The following SLC2A10 variants were observed in gnomAD, a reference collection of about 807,000 sequenced individuals.
SLC2A10 encodes the protein solute carrier family 2 member 10.
Under a neutral mutation model 32.1 loss-of-function variants are expected in SLC2A10, and 25 were observed. The ratio of observed to expected loss-of-function variants is 0.78; its 90% CI spans 0.57 to 1.09. The LOEUF is 1.09. Ranked by LOEUF, SLC2A10 falls within the 50% of genes least tolerant of loss-of-function variation. The pLI is 0.00. For synonymous variants in SLC2A10, 332 were observed against 309.6 expected (o/e 1.07, Z -0.76); for missense variants, 673 against 686.5 (o/e 0.98, Z 0.22).
In SLC2A10 at chr20:46,725,706, G is replaced by T. The variant is rs765169323; in HGVS notation, c.670G>T (p.Ala224Ser). The T allele has an allele frequency of 1.9e-6, 3 of 1,614,090 alleles. No homozygotes were observed. The highest frequency in any genetic ancestry group is 1.7e-6 in the Non-Finnish European group (2 of 1,180,034). Residue 224 changes from alanine (A) to serine (S), a missense_variant, in exon 2 of 5, where the codon GCA becomes TCA. Physicochemically the swap from Ala to Ser is moderately conservative, Grantham distance 99 (BLOSUM62 1). Coordinates refer to ENST00000359271, the MANE Select transcript of SLC2A10 (RefSeq NM_030777.4). ...GTACTCCTTTCTGGACCTCTTCAGGGCACGCGATAACATGCGAGGCCGGAC... is the reference window on the plus strand; with the variant it reads ...GTACTCCTTTCTGGACCTCTTCAGGTCACGCGATAACATGCGAGGCCGGAC... ...PRYSFLDLFRARDNMRGRTTV... is the reference protein window; with the variant it reads ...PRYSFLDLFRSRDNMRGRTTV...
chr20:46,723,461 T>A (rs1568983849), intron 1 of SLC2A10, among the ~76,000 whole-genome samples: 1 of 152,154 alleles, frequency 6.6e-6, no homozygotes, highest in Admixed American at 6.5e-5. Flanking sequence ...AAGGGGTGAA[T>A]GGACATTGAT....
At chr20:46,711,749 C>A (rs1978926136) in intron 1 of SLC2A10, among the ~76,000 whole-genome samples, 1 of 152,166 alleles carries the variant, frequency 6.6e-6, no homozygotes, top group Non-Finnish European at 1.5e-5. Context: ...GGGGGCAGAA[C>A]TGGGTTCTAG....
Position 46,726,978 on chromosome 20 carries a change from A to C in SLC2A10, c.1403A>C (p.Asp468Ala), listed in dbSNP as rs776612935. The C allele has an allele frequency of 4.3e-6, 7 of 1,614,054 alleles. 1 individual carries two copies. In the South Asian group the frequency reaches 7.7e-5, roughly 18 times the overall value. Residue 468 changes from aspartate to alanine, a missense_variant, in exon 3 of 5, where the codon GAT (aspartate) becomes GCT (alanine). Asp to Ala is a moderately radical substitution (Grantham distance 126). Coordinates refer to ENST00000359271, the MANE Select transcript of SLC2A10 (RefSeq NM_030777.4). ...ANLFISLSFL[D>A]LIGTIGLSWT... Reference sequence around the variant, plus strand: ...CTCTTCATCAGCCTCTCCTTCCTCGATCTCATTGGTGAGTCCTTCCCAGAC... The same window carrying C: ...CTCTTCATCAGCCTCTCCTTCCTCGCTCTCATTGGTGAGTCCTTCCCAGAC...
intron 1 of SLC2A10, among the ~76,000 whole-genome samples, chr20:46,722,435 A>G (rs551203952): frequency 2.0e-5 from 3 of 152,366 alleles, no homozygotes; most frequent in East Asian, 1.9e-4. Context: ...AGCTTTTAGC[A>G]TAAAACATGT....
In SLC2A10 at chr20:46,733,865, G is replaced by A. The variant is rs751514397; in HGVS notation, c.*31G>A. 6.2e-7 allele frequency: 1 copy of A among 1,607,332 alleles called. No homozygotes were observed. The highest frequency in any genetic ancestry group is 1.1e-5 in the South Asian group (1 of 90,826). On this transcript the variant is annotated 3_prime_UTR_variant, in exon 5 of 5. Coordinates refer to ENST00000359271, the MANE Select transcript of SLC2A10 (RefSeq NM_030777.4). The stretch of plus-strand genomic sequence containing the variant: ...CCGTCTGCCTGGAAATTCTGGAACT[G>A]TGGCTTTGGCAGACCATCTCCAGCA...
chr20:46,714,503 A>T (rs1304397962), intron 1 of SLC2A10: 2 of 152,562 alleles, frequency 1.3e-5, no homozygotes, highest in Admixed American at 6.5e-5. Flanking sequence ...GGGAGGTGGC[A>T]CAGGACCTGG....
At chr20:46,724,350 C>G (rs1453000862) in intron 1 of SLC2A10, among the ~76,000 whole-genome samples, 2 of 143,368 alleles carry the variant, frequency 1.4e-5, no homozygotes, top group African/African-American at 5.1e-5. Flanking sequence ...GATGGATGGA[C>G]TGATGTGTGG....
chr20:46,713,993 A>T (rs1979079407), intron 1 of SLC2A10, among the ~76,000 whole-genome samples: 1 of 152,198 alleles, frequency 6.6e-6, no homozygotes, highest in Non-Finnish European at 1.5e-5. Flanking sequence ...AAAGGCACTA[A>T]GCAAACATCA....
intron 1 of SLC2A10, among the ~76,000 whole-genome samples, chr20:46,716,793 C>T (rs918349933): frequency 2.2e-4 from 34 of 152,120 alleles, no homozygotes; most frequent in Admixed American, 1.8e-3. Flanking sequence ...GAGACTGAGG[C>T]GGGCGGATCA....
chr20:46,725,981 C>A lies in SLC2A10; in HGVS notation c.945C>A (p.Gly315=). ...ALMALSVSGI[G]LVSFAVPMDS... is the part of the protein sequence containing the mutation. ...TGGCCCTGTCCGTCAGTGGCATAGG[C>A]CTCGTCAGCTTTGCCGTGCCCATGG... is the stretch of plus-strand genomic sequence containing the variant. Residue 315 remains glycine, a synonymous_variant, in exon 2 of 5, where the codon GGC becomes GGA. Coordinates refer to ENST00000359271, the MANE Select transcript of SLC2A10 (RefSeq NM_030777.4). 2 of 1,613,882 alleles carry A rather than the reference C, an allele frequency of 1.2e-6. No individual in the cohort carries two copies. Among genetic ancestry groups the A allele is most frequent in the Non-Finnish European group, 1.7e-6 (2 of 1,180,036 alleles).
rs1031479402 is a variant in SLC2A10 at position 46,729,643 on chromosome 20, T to G, written c.1547+155T>G. On this transcript the variant is annotated intron_variant, in intron 4 of 4. Transcript: ENST00000359271. ...ACTATGAGTTTTTTTTTTTTTTTTTTTTTTTTTTTTTTTTTTGAGATGGAG... is the reference window on the plus strand; with the variant it reads ...ACTATGAGTTTTTTTTTTTTTTTTTGTTTTTTTTTTTTTTTTGAGATGGAG... Among the ~76,000 whole-genome samples, 1,998 of 59,870 alleles carry G rather than the reference T, an allele frequency of 0.033. 88 individuals carry two copies. Among genetic ancestry groups the G allele is most frequent in the South Asian group, 0.11 (193 of 1,792 alleles). 39.3% of individuals were successfully genotyped at this position (59,870 alleles called of 152,430 possible).
upstream of SLC2A10, among the ~76,000 whole-genome samples, chr20:46,708,448 C>T (rs1978715754): frequency 6.6e-6 from 1 of 152,164 alleles, no homozygotes; most frequent in African/African-American, 2.4e-5. Context: ...TAGCCAACTG[C>T]CCACCTATTT....
At chr20:46,721,437 CAA>C (rs763252434) in intron 1 of SLC2A10, among the ~76,000 whole-genome samples, 48 of 115,912 alleles carry the variant, frequency 4.1e-4, no homozygotes, top group Admixed American at 6.0e-4. Context: ...CCTCAATTAG[CAA>C]AAAAAAAAAA....
At chr20:46,709,251 C>T (rs997593015), upstream of SLC2A10, among the ~76,000 whole-genome samples, 1 of 149,154 alleles carries the variant, frequency 6.7e-6, no homozygotes, top group African/African-American at 2.5e-5. Flanking sequence ...GTGTCTCACT[C>T]GGTGTAGATG....
intron 4 of SLC2A10, 135 bp downstream of exon 4, chr20:46,729,623 GAGTTTTTTTTTTTTTT>G: frequency 1.4e-5 from 6 of 436,094 alleles, no homozygotes; most frequent in African/African-American, 2.8e-5. Context: ...TGGGCACTAT[GAGTTTTTTTTTTTTTT>G]TTTTTTTTTT....
chr20:46,723,663 T>C (rs1387584248), intron 1 of SLC2A10, among the ~76,000 whole-genome samples: 1 of 152,202 alleles, frequency 6.6e-6, no homozygotes, highest in Non-Finnish European at 1.5e-5. Context: ...ATTGTCCTCT[T>C]GACTTGCAAA....
At chr20:46,722,453 A>G (rs993606039) in intron 1 of SLC2A10, among the ~76,000 whole-genome samples, 3 of 152,224 alleles carry the variant, frequency 2.0e-5, no homozygotes, top group Non-Finnish European at 4.4e-5. Flanking sequence ...TGTGCAGCTG[A>G]TCATGTCTTC....
chr20:46,716,216 G>T (rs752710803), intron 1 of SLC2A10, among the ~76,000 whole-genome samples: 5 of 150,296 alleles, frequency 3.3e-5, no homozygotes, highest in African/African-American at 9.8e-5. Flanking sequence ...GCAGTGGCAC[G>T]ATCTCGGCTC....
In SLC2A10 at chr20:46,725,775, C is replaced by A. The variant is rs1238405484; in HGVS notation, c.739C>A (p.Gln247Lys). ...GGTGCTCTTCCAGCAACTAACAGGG[C>A]AGCCCAACGTGCTGTGCTATGCCTC... ...GLVLFQQLTG[Q>K]PNVLCYASTI... The change falls in exon 2 of 5, where the codon CAG (glutamine) becomes AAG (lysine). Residue 247 changes from glutamine (Q) to lysine (K), a missense_variant. Gln to Lys is a moderately conservative substitution (Grantham distance 53, BLOSUM62 1). Coordinates refer to ENST00000359271, the MANE Select transcript of SLC2A10 (RefSeq NM_030777.4). 1.2e-6 allele frequency: 2 copies of A among 1,614,106 alleles called. No individual in the cohort carries two copies. The highest frequency in any genetic ancestry group is 1.7e-5 in the Admixed American group (1 of 60,014).
Sources: gnomAD v4.1 joint callset for allele counts (sites outside exome capture counted in the v4.1 genomes callset) on GRCh38, gnomAD v4.1.1 for gene constraint, MANE v1.5 for transcripts, NCBI Gene and HGNC (gene_info 2026-07-23, HGNC 2026-07-21) for gene names.